The following GABRA3 variants were observed in gnomAD, a reference collection of about 807,000 sequenced individuals.
GABRA3 encodes gamma-aminobutyric acid type A receptor subunit alpha3.
A neutral mutation model predicts 30.1 loss-of-function variants in GABRA3; 10 were observed. The ratio of observed to expected loss-of-function variants is 0.33; its 90% CI spans 0.20 to 0.56. GABRA3 has a LOEUF of 0.56. GABRA3 is among the 20% of genes least tolerant of loss of function. The pLI is 0.89. For missense variants in GABRA3, 233 were observed against 392.0 expected, an observed-to-expected ratio of 0.59 and a Z score of 3.42; for synonymous variants, 151 against 146.8, an observed-to-expected ratio of 1.03 and a Z score of -0.21.
intron 4 of GABRA3, among the ~76,000 whole-genome samples, chrX:152,264,954 G>A (rs1235009835): frequency 1.8e-5 from 2 of 111,477 alleles, no homozygotes; most frequent in African/African-American, 6.5e-5. Context: ...AATAACAATT[G>A]TAAATATATA....
At chrX:152,242,654 A>T (rs1938400731) in intron 5 of GABRA3, among the ~76,000 whole-genome samples, 1 of 112,327 alleles carries the variant, frequency 8.9e-6, no homozygotes, top group African/African-American at 3.2e-5. Context: ...CAACTTCATA[A>T]ATAATCAGAG....
chrX:152,263,619 G>A (rs1288770542), intron 4 of GABRA3, among the ~76,000 whole-genome samples: 1 of 110,914 alleles, frequency 9.0e-6, no homozygotes, highest in African/African-American at 3.3e-5. Flanking sequence ...AGAGTTATTG[G>A]CCTTAAAGAG....
At chrX:152,428,197 A>G (rs1204687181) in intron 1 of GABRA3, among the ~76,000 whole-genome samples, 1 of 111,982 alleles carries the variant, frequency 8.9e-6, no homozygotes, top group East Asian at 2.8e-4. Flanking sequence ...TGCTGGCCCA[A>G]TATACAACTG....
chrX:152,278,206 C>T (rs1326363750), intron 4 of GABRA3, among the ~76,000 whole-genome samples: 1 of 109,945 alleles, frequency 9.1e-6, no homozygotes, highest in African/African-American at 3.3e-5. Context: ...TGTGCTGCAA[C>T]CACTAACTTG....
chrX:152,323,264 G>GT (rs1471072627), intron 3 of GABRA3, among the ~76,000 whole-genome samples: 4 of 111,428 alleles, frequency 3.6e-5, no homozygotes, highest in Non-Finnish European at 7.5e-5. Flanking sequence ...TTCTGAGCAT[G>GT]TTTTTTTGTT....
chrX:152,216,735 G>C (rs1274955599), intron 6 of GABRA3, among the ~76,000 whole-genome samples: 1 of 109,756 alleles, frequency 9.1e-6, no homozygotes, highest in Non-Finnish European at 1.9e-5. Flanking sequence ...ATAAGTTCTG[G>C]TGTGCTATTG....
intron 3 of GABRA3, among the ~76,000 whole-genome samples, chrX:152,294,292 T>C (rs774191723): frequency 9.0e-6 from 1 of 111,671 alleles, no homozygotes; most frequent in Non-Finnish European, 1.9e-5. Context: ...TCTTTTCACA[T>C]AGTCCCATAT....
At chrX:152,359,590 G>T (rs1043852109) in intron 2 of GABRA3, among the ~76,000 whole-genome samples, 1 of 109,789 alleles carries the variant, frequency 9.1e-6, no homozygotes, top group African/African-American at 3.3e-5. Context: ...CTTGTCTTTT[G>T]CTAGCTTTGG....
intron 1 of GABRA3, among the ~76,000 whole-genome samples, chrX:152,428,322 C>G (rs1332259871): frequency 8.9e-6 from 1 of 111,993 alleles, no homozygotes; most frequent in Non-Finnish European, 1.9e-5. Flanking sequence ...GGTGGCGTCC[C>G]TCCTCTCATC....
At chrX:152,270,717 C>T (rs1392690322) in intron 4 of GABRA3, among the ~76,000 whole-genome samples, 9 of 109,662 alleles carry the variant, frequency 8.2e-5, no homozygotes, top group Admixed American at 2.9e-4. Context: ...TAGCCAGGCA[C>T]GGTGGCATAT....
intron 1 of GABRA3, among the ~76,000 whole-genome samples, chrX:152,428,019 A>G (rs145097846): frequency 0.018 from 1,994 of 112,343 alleles, 19 homozygotes; most frequent in Non-Finnish European, 0.025. Context: ...TTTTATGAGA[A>G]TACAGGTAAT....
intron 2 of GABRA3, among the ~76,000 whole-genome samples, chrX:152,351,518 T>C (rs1940478457): frequency 8.9e-6 from 1 of 112,292 alleles, no homozygotes; most frequent in Admixed American, 9.5e-5. Context: ...AAGGGAGTTA[T>C]AGCATTGCTT....
At chrX:152,259,534 A>T (rs1030051388) in intron 4 of GABRA3, among the ~76,000 whole-genome samples, 1 of 111,575 alleles carries the variant, frequency 9.0e-6, no homozygotes, top group African/African-American at 3.3e-5. Flanking sequence ...TGCATCTTGG[A>T]TACCAGCTCA....
At chrX:152,327,720 A>T (rs1940087348) in intron 3 of GABRA3, among the ~76,000 whole-genome samples, 1 of 111,955 alleles carries the variant, frequency 8.9e-6, no homozygotes, top group Admixed American at 9.5e-5. Flanking sequence ...AGGGACATTT[A>T]TAGCACTAAA....
intron 1 of GABRA3, among the ~76,000 whole-genome samples, chrX:152,398,832 AG>A (rs1184554867): frequency 8.9e-6 from 1 of 111,999 alleles, no homozygotes; most frequent in African/African-American, 3.2e-5. Context: ...CAAGCAAACA[AG>A]CATGGAAGAG....
intron 1 of GABRA3, among the ~76,000 whole-genome samples, chrX:152,384,918 T>C (rs1039922400): frequency 9.0e-6 from 1 of 110,763 alleles, no homozygotes; most frequent in Non-Finnish European, 1.9e-5. Flanking sequence ...GAAAATCCAA[T>C]AGAAAAATGG....
intron 3 of GABRA3, among the ~76,000 whole-genome samples, chrX:152,325,144 T>C (rs1255097302): frequency 9.0e-6 from 1 of 111,200 alleles, no homozygotes; most frequent in African/African-American, 3.3e-5. Context: ...GATCTATGGA[T>C]GACTTGTATC....
chrX:152,176,059 A>AT (rs1410084530), intron 9 of GABRA3, among the ~76,000 whole-genome samples: 3 of 93,661 alleles, frequency 3.2e-5, no homozygotes, highest in Non-Finnish European at 6.5e-5. Flanking sequence ...GTGAGTTTCC[A>AT]TCTCAAAAAT....
chrX:152,303,826 C>G (rs971475423), intron 3 of GABRA3, among the ~76,000 whole-genome samples: 1 of 108,524 alleles, frequency 9.2e-6, no homozygotes, highest in Non-Finnish European at 1.9e-5. Flanking sequence ...TGGGGGCCAA[C>G]GGGGGGAGAG....
Sources: allele counts gnomAD v4.1 joint callset (sites outside exome capture counted in the v4.1 genomes callset), GRCh38; gene constraint gnomAD v4.1.1; transcripts MANE v1.5; gene names NCBI Gene and HGNC (gene_info 2026-07-23, HGNC 2026-07-21).